The following CNTNAP3B variants were observed in gnomAD, a reference collection of about 807,000 sequenced individuals.
CNTNAP3B encodes the protein contactin-associated protein-like 3B.
CNTNAP3B carries 25 observed loss-of-function variants against 108.9 expected under a neutral mutation model. The observed-to-expected ratio is 0.23, with a 90% CI of 0.17 to 0.32. The LOEUF (loss-of-function observed/expected upper bound fraction) is 0.32. Among genes scored for constraint, CNTNAP3B ranks in the 10% least tolerant of loss-of-function variants. The pLI is 1.00. For synonymous variants in CNTNAP3B, 103 were observed against 473.4 expected, an observed-to-expected ratio of 0.22 and a Z score of 10.16; for missense variants, 252 against 1,210.4, an observed-to-expected ratio of 0.21 and a Z score of 11.75.
chr9:42,024,885 C>T (rs1160846137), intron 3 of CNTNAP3B, among the ~76,000 whole-genome samples: 2 of 144,536 alleles, frequency 1.4e-5, no homozygotes, highest in East Asian at 2.1e-4. Flanking sequence ...GAATCCTTTG[C>T]GTCTTAATTT....
chr9:42,103,174 T>C (rs1587273733), intron 2 of CNTNAP3B, among the ~76,000 whole-genome samples: 1 of 134,904 alleles, frequency 7.4e-6, no homozygotes, highest in South Asian at 2.3e-4. Context: ...ACTGTTTCAG[T>C]GATAATGACC....
rs1342891059 is a variant in CNTNAP3B, at chr9:42,112,022, C to T, written c.86-7283G>A. 2.9e-5 allele frequency among the ~76,000 whole-genome samples: 4 copies of T among 139,390 alleles called. 1 individual carries two copies. The highest frequency in any genetic ancestry group is 1.1e-4 in the African/African-American group (4 of 35,146). 91.4% of individuals were successfully genotyped at this position (139,390 alleles called of 152,430 possible). ...AATTCAAATTTCAGGTCCTGGCATT[C>T]AATTCCTTCCATCACCTGTTCCCCG... On this transcript the variant is annotated intron_variant, in intron 1 of 23. Transcript: ENST00000377561.
At chr9:42,110,531 T>TAAA (rs370874060) in intron 1 of CNTNAP3B, among the ~76,000 whole-genome samples, 2 of 119,904 alleles carry the variant, frequency 1.7e-5, no homozygotes, top group Admixed American at 8.4e-5. Context: ...CTCTTTGTTC[T>TAAA]AAAAAAAAAA....
Position 42,037,563 on chromosome 9 carries a change from G to A in CNTNAP3B, c.391-24038C>T, listed in dbSNP as rs1826658173. 1.6e-5 allele frequency among the ~76,000 whole-genome samples: 2 copies of A among 124,432 alleles called. 1 individual carries two copies. The highest frequency in any genetic ancestry group is 6.7e-5 in the African/African-American group (2 of 30,020). The allele number at this position is 124,432 out of a possible 152,430, so 81.6% of individuals were successfully genotyped here. On this transcript the variant is annotated intron_variant, in intron 3 of 23. Transcript: ENST00000377561. ...AGACCAAATGAATGAAATGAAGCAAGAAGAGAAGTTTAGAGAAAAAAGAGT... is the reference window on the plus strand; with the variant it reads ...AGACCAAATGAATGAAATGAAGCAAAAAGAGAAGTTTAGAGAAAAAAGAGT...
intron 1 of CNTNAP3B, among the ~76,000 whole-genome samples, chr9:42,126,712 G>C (rs1828578654): frequency 7.3e-6 from 1 of 136,086 alleles, no homozygotes; most frequent in African/African-American, 3.0e-5. Context: ...TGGAATTACA[G>C]ATGCCTGCCA....
chr9:42,090,969 T>TACAC lies in CNTNAP3B; in HGVS notation c.196+13659_196+13660insGTGT, dbSNP rs1292109514. On this transcript the variant is annotated intron_variant, in intron 2 of 23. Transcript: ENST00000377561. ...CACACTGACTCTCTCTAAATATATA[T>TACAC]ATATACACACACACACACACACACA... 2.9e-4 allele frequency among the ~76,000 whole-genome samples: 12 copies of TACAC among 40,822 alleles called. 1 individual carries two copies. The highest frequency in any genetic ancestry group is 5.9e-4 in the Non-Finnish European group (11 of 18,630). The allele number at this position is 40,822 out of a possible 152,430, so 26.8% of individuals were successfully genotyped here.
At chr9:41,926,798 T>A (rs1823833116) in intron 15 of CNTNAP3B, 1 of 152,322 alleles carries the variant, frequency 6.6e-6, no homozygotes, top group African/African-American at 2.4e-5. Context: ...GGATATAAAC[T>A]GAAGGTGAAT....
chr9:42,122,437 C>G lies in CNTNAP3B; in HGVS notation c.85+6573G>C, dbSNP rs986399246. ...ATTGTAGGTTCTGTGACAGCCTGTGCTATAAAATTTCATAAGCTTATGAGA... is the reference window on the plus strand; with the variant it reads ...ATTGTAGGTTCTGTGACAGCCTGTGGTATAAAATTTCATAAGCTTATGAGA... On this transcript the variant is annotated intron_variant, in intron 1 of 23. Coordinates refer to ENST00000377561, the MANE Select transcript of CNTNAP3B (RefSeq NM_001201380.3). 3.3e-4 allele frequency among the ~76,000 whole-genome samples: 45 copies of G among 134,896 alleles called. 3 individuals carry two copies. Among genetic ancestry groups the G allele is most frequent in the East Asian group, 1.2e-3 (5 of 4,342 alleles). The allele number at this position is 134,896 out of a possible 152,430, so 88.5% of individuals were successfully genotyped here.
intron 14 of CNTNAP3B, among the ~76,000 whole-genome samples, chr9:41,932,018 G>A (rs1232038634): frequency 6.6e-6 from 1 of 152,132 alleles, no homozygotes; most frequent in African/African-American, 2.4e-5. Flanking sequence ...GGAAAGTCTG[G>A]TGTTTTCATT....
intron 14 of CNTNAP3B, among the ~76,000 whole-genome samples, chr9:41,934,100 C>CACATATAT (rs1824066250): frequency 1.1e-5 from 1 of 90,224 alleles, no homozygotes; most frequent in Non-Finnish European, 2.2e-5. Flanking sequence ...ATATTTGTTA[C>CACATATAT]ATATATATAT....
intron 14 of CNTNAP3B, among the ~76,000 whole-genome samples, chr9:41,931,559 A>C (rs1185094762): frequency 1.3e-5 from 2 of 151,944 alleles, no homozygotes; most frequent in African/African-American, 2.4e-5. Context: ...CTTAATGGTA[A>C]AGAAAGCTTA....
chr9:41,952,579 G>T (rs1439230966), intron 13 of CNTNAP3B, among the ~76,000 whole-genome samples: 4 of 152,146 alleles, frequency 2.6e-5, no homozygotes, highest in Non-Finnish European at 4.4e-5. Flanking sequence ...AGACGGTTTT[G>T]ATGCAGGCAG....
intron 7 of CNTNAP3B, among the ~76,000 whole-genome samples, chr9:41,995,812 G>A: frequency 7.3e-6 from 1 of 136,742 alleles, no homozygotes; most frequent in East Asian, 2.2e-4. Context: ...GAGGCAGGCA[G>A]ATCACCTGAG....
At chr9:41,937,106 T>TTC (rs1277541893) in intron 14 of CNTNAP3B, among the ~76,000 whole-genome samples, 1 of 130,452 alleles carries the variant, frequency 7.7e-6, no homozygotes, top group Non-Finnish European at 1.6e-5. Context: ...ACATTTTTTA[T>TTC]TTATTAATTT....
At chr9:41,959,751 C>T (rs1175780559) in intron 12 of CNTNAP3B, among the ~76,000 whole-genome samples, 1 of 152,312 alleles carries the variant, frequency 6.6e-6, no homozygotes, top group Non-Finnish European at 1.5e-5. Context: ...CTTTAAATGC[C>T]CATGTAATTT....
chr9:41,924,493 G>A (rs1423157385), intron 15 of CNTNAP3B, among the ~76,000 whole-genome samples: 2,915 of 150,940 alleles, frequency 0.019, 3 homozygotes, highest in African/African-American at 0.069. Flanking sequence ...AACTGGGAAG[G>A]GAAATAATTC....
At chr9:42,062,610 G>A (rs141643896) in intron 3 of CNTNAP3B, among the ~76,000 whole-genome samples, 4,371 of 118,274 alleles carry the variant, frequency 0.037, 1,019 homozygotes, top group African/African-American at 0.14. Flanking sequence ...TTACATTTAA[G>A]GTAATTGTTG....
In CNTNAP3B at chr9:42,089,837, C is replaced by A. The variant is rs534136620; in HGVS notation, c.197-12775G>T. Among the ~76,000 whole-genome samples, 186 of 140,106 alleles carry A rather than the reference C, an allele frequency of 1.3e-3. 17 individuals carry two copies. Among genetic ancestry groups the A allele is most frequent in the Non-Finnish European group, 2.2e-3 (146 of 65,088 alleles). The allele number at this position is 140,106 out of a possible 152,430, so 91.9% of individuals were successfully genotyped here. A position where few individuals can be genotyped will look rare whatever the true frequency, so the allele number is the denominator to read the frequency against. Reference sequence around the variant, plus strand: ...ATTATCCTTGTCTATGAAATTCATTCCCATACACCAACGTTAATTTCCATT... The same window carrying A: ...ATTATCCTTGTCTATGAAATTCATTACCATACACCAACGTTAATTTCCATT... On this transcript the variant is annotated intron_variant, in intron 2 of 23. Transcript: ENST00000377561.
intron 10 of CNTNAP3B, among the ~76,000 whole-genome samples, chr9:41,966,795 G>T (rs1281523284): frequency 6.6e-6 from 1 of 151,298 alleles, no homozygotes; most frequent in African/African-American, 2.4e-5. Flanking sequence ...GTGAAACCCC[G>T]TCTTTACTAA....
Sources: allele counts gnomAD v4.1 joint callset (sites outside exome capture counted in the v4.1 genomes callset), GRCh38; gene constraint gnomAD v4.1.1; transcripts MANE v1.5; gene names NCBI Gene and HGNC (gene_info 2026-07-23, HGNC 2026-07-21).